Variants in EPB41L2 observed in about 807,000 individuals in gnomAD.
EPB41L2 encodes the protein erythrocyte membrane protein band 4.1 like 2.
In EPB41L2, 43 loss-of-function variants were observed where a neutral mutation model predicts 113.0. That is an observed-to-expected ratio of 0.38 (90% CI 0.30 to 0.49). EPB41L2 has a LOEUF of 0.49. EPB41L2 is among the 20% of genes least tolerant of loss of function. The pLI, the probability that EPB41L2 is intolerant of heterozygous loss-of-function variation, is 0.95. For missense variants in EPB41L2, 1,147 were observed against 1,223.4 expected, an observed-to-expected ratio of 0.94 and a Z score of 0.93; for synonymous variants, 442 against 436.7, an observed-to-expected ratio of 1.01 and a Z score of -0.15.
chr6:130,996,643 T>A (rs1783192352), intron 1 of EPB41L2, among the ~76,000 whole-genome samples: 1 of 152,200 alleles, frequency 6.6e-6, no homozygotes. Flanking sequence ...AAAATTAAGT[T>A]CTACTACCTT....
At chr6:130,846,046 G>C (rs1197458416) in intron 19 of EPB41L2, among the ~76,000 whole-genome samples, 1 of 152,162 alleles carries the variant, frequency 6.6e-6, no homozygotes, top group Non-Finnish European at 1.5e-5. Context: ...CGCCTCAAGA[G>C]AAACAATTGA....
At chr6:130,841,647 A>G (rs1185360006) in intron 19 of EPB41L2, among the ~76,000 whole-genome samples, 3 of 152,192 alleles carry the variant, frequency 2.0e-5, no homozygotes, top group Non-Finnish European at 4.4e-5. Context: ...TTTGAGAGGC[A>G]CCACTAAGGA....
intron 15 of EPB41L2, 83 bp from the exon 16 acceptor site, chr6:130,867,664 A>C (rs773122604): frequency 2.0e-6 from 3 of 1,506,608 alleles, no homozygotes; most frequent in African/African-American, 1.4e-5. Flanking sequence ...AATAATAGTA[A>C]GAAACATATC....
chr6:130,938,941 T>C (rs892136126), intron 3 of EPB41L2, among the ~76,000 whole-genome samples: 1 of 152,188 alleles, frequency 6.6e-6, no homozygotes, highest in African/African-American at 2.4e-5. Context: ...GAACATTTTT[T>C]GTATTATAAT....
chr6:130,855,340 G>C (rs1217378546), intron 19 of EPB41L2, among the ~76,000 whole-genome samples: 1 of 152,126 alleles, frequency 6.6e-6, no homozygotes, highest in East Asian at 1.9e-4. Flanking sequence ...GACAGAGCGA[G>C]ACTCCGTCAC....
intron 1 of EPB41L2, among the ~76,000 whole-genome samples, chr6:130,961,600 A>C (rs1005600496): frequency 1.3e-5 from 2 of 152,164 alleles, no homozygotes; most frequent in African/African-American, 4.8e-5. Flanking sequence ...CCTCACAAAC[A>C]CACAAACAAC....
intron 3 of EPB41L2, among the ~76,000 whole-genome samples, chr6:130,926,980 C>T (rs997357672): frequency 3.9e-5 from 6 of 152,124 alleles, no homozygotes; most frequent in South Asian, 2.1e-4. Context: ...ACGAAAAAGG[C>T]GAAATGTTAG....
At chr6:130,951,620 G>A (rs992655355) in intron 3 of EPB41L2, among the ~76,000 whole-genome samples, 19 of 151,836 alleles carry the variant, frequency 1.3e-4, no homozygotes, top group Non-Finnish European at 2.4e-4. Context: ...CACTGTGCCC[G>A]GCCAGCCTCA....
At chr6:130,920,887 G>A (rs772532473) in intron 4 of EPB41L2, among the ~76,000 whole-genome samples, 3 of 151,948 alleles carry the variant, frequency 2.0e-5, no homozygotes, top group Non-Finnish European at 2.9e-5. Flanking sequence ...GCTTACAAAC[G>A]TGTCCAACTT....
chr6:131,009,821 TG>T (rs1318593055), intron 1 of EPB41L2, among the ~76,000 whole-genome samples: 3 of 152,258 alleles, frequency 2.0e-5, no homozygotes, highest in Admixed American at 6.5e-5. Flanking sequence ...TGAAAATGTT[TG>T]GTAATATTCT....
chr6:131,039,094 G>A lies in EPB41L2; in HGVS notation c.-15+24061C>T, dbSNP rs1444819924. Among the ~76,000 whole-genome samples, 4 of 152,026 alleles carry A rather than the reference G, an allele frequency of 2.6e-5. No individual in the cohort carries two copies. In the South Asian group the frequency reaches 6.2e-4, roughly 24 times the overall value. ...AATTCAGTTATACATTTAAACTCTCGATGAAACCTCATCTGTTTACCCAAA... is the reference window on the plus strand; with the variant it reads ...AATTCAGTTATACATTTAAACTCTCAATGAAACCTCATCTGTTTACCCAAA... On this transcript the variant is annotated intron_variant, in intron 1 of 19. Coordinates refer to ENST00000337057, the MANE Select transcript of EPB41L2 (RefSeq NM_001431.4).
intron 10 of EPB41L2, among the ~76,000 whole-genome samples, chr6:130,892,336 A>G (rs561086892): frequency 4.0e-5 from 6 of 150,880 alleles, no homozygotes; most frequent in Non-Finnish European, 7.4e-5. Flanking sequence ...AAAGCAATCA[A>G]TTCTGTGTCT....
intron 4 of EPB41L2, among the ~76,000 whole-genome samples, chr6:130,915,718 T>A (rs186145531): frequency 6.6e-6 from 1 of 152,132 alleles, no homozygotes; most frequent in Non-Finnish European, 1.5e-5. Flanking sequence ...TGGTGGGAGA[T>A]GAGTGAATCA....
At chr6:130,937,686 G>A (rs1039052721) in intron 3 of EPB41L2, among the ~76,000 whole-genome samples, 6 of 152,144 alleles carry the variant, frequency 3.9e-5, no homozygotes, top group Non-Finnish European at 8.8e-5. Flanking sequence ...AGTTGCAGTG[G>A]CAGGTGGCTG....
chr6:130,846,429 A>G (rs1582571110), intron 19 of EPB41L2, among the ~76,000 whole-genome samples: 1 of 152,238 alleles, frequency 6.6e-6, no homozygotes, highest in Non-Finnish European at 1.5e-5. Context: ...GAGACCATTC[A>G]GTTTGAGAAC....
rs549216385 is a variant in EPB41L2 at position 130,945,217 on chromosome 6, G to C, written c.705+9888C>G. 1.2e-4 allele frequency among the ~76,000 whole-genome samples: 18 copies of C among 152,248 alleles called. No individual in the cohort carries two copies. The South Asian group carries it at 3.7e-3, about 32-fold the overall frequency. ...TAACTAGTAAACTTAGTAAGTGTCA[G>C]TACTATAGGTCTGAAATACCACCTT... On this transcript the variant is annotated intron_variant, in intron 3 of 19. Coordinates refer to ENST00000337057, the MANE Select transcript of EPB41L2 (RefSeq NM_001431.4).
chr6:130,891,805 T>A lies in EPB41L2; in HGVS notation c.1488-1339A>T, dbSNP rs150991489. On this transcript the variant is annotated intron_variant, in intron 10 of 19. Coordinates refer to ENST00000337057, the MANE Select transcript of EPB41L2 (RefSeq NM_001431.4). Reference sequence around the variant, plus strand: ...TAGTATCAATCTAGCTGATTGGCTATCAATTAATAGATCTGTTTACAGATT... The same window carrying A: ...TAGTATCAATCTAGCTGATTGGCTAACAATTAATAGATCTGTTTACAGATT... Among the ~76,000 whole-genome samples the A allele has an allele frequency of 1.6e-3, 245 of 152,304 alleles. 1 individual carries two copies. Among genetic ancestry groups the A allele is most frequent in the African/African-American group, 5.5e-3 (229 of 41,574 alleles).
In EPB41L2 at chr6:130,967,454, CG is replaced by C. The variant is rs770832192; in HGVS notation, c.-14-10956del. Among the ~76,000 whole-genome samples the C allele has an allele frequency of 8.6e-3, 1,305 of 152,212 alleles. 9 individuals are homozygous for C. Among genetic ancestry groups the C allele is most frequent in the South Asian group, 0.021 (99 of 4,818 alleles). ...AACTGGCTTTTGCTAACAATAATAC[CG>C]GTGCATATGCAGGCAGCGTAAAAAG... On this transcript the variant is annotated intron_variant, in intron 1 of 19. Transcript: ENST00000337057.
intron 4 of EPB41L2, among the ~76,000 whole-genome samples, chr6:130,911,412 T>C (rs532755463): frequency 6.6e-6 from 1 of 152,138 alleles, no homozygotes; most frequent in Admixed American, 6.5e-5. Context: ...GAGAAATACT[T>C]AATGTAGATG....
Sources: allele counts gnomAD v4.1 joint callset (sites outside exome capture counted in the v4.1 genomes callset), GRCh38; gene constraint gnomAD v4.1.1; transcripts MANE v1.5; gene names NCBI Gene and HGNC (gene_info 2026-07-23, HGNC 2026-07-21).